MAP3K4: variants seen among roughly 807,000 people sequenced by gnomAD.
MAP3K4 encodes MAP three kinase 1.
In MAP3K4, 67 loss-of-function variants were observed where a neutral mutation model predicts 185.6. The ratio of observed to expected loss-of-function variants is 0.36; its 90% CI spans 0.30 to 0.44. The LOEUF is 0.44. MAP3K4 is among the 20% of genes least tolerant of loss of function. The pLI is 1.00. For missense variants in MAP3K4, 1,551 were observed against 1,995.1 expected, an observed-to-expected ratio of 0.78 and a Z score of 4.24; for synonymous variants, 702 against 710.4, an observed-to-expected ratio of 0.99 and a Z score of 0.19.
In MAP3K4 at chr6:161,098,069, A is replaced by G. The variant is rs1026524224; in HGVS notation, c.3525-209A>G. On this transcript the variant is annotated intron_variant, in intron 16 of 26. Transcript: ENST00000392142. This position sits in a 1 kb window ranked among gnomAD's most constrained non-coding sequence, Gnocchi z 4.4. ...GCCACTGCACTCCAGCCTGGACAAC[A>G]GGGTGCGATGCTGTCTCAAAAAAAA... Among the ~76,000 whole-genome samples, 6 of 152,196 alleles carry G rather than the reference A, an allele frequency of 3.9e-5. No individual in the cohort carries two copies. Among genetic ancestry groups the G allele is most frequent in the African/African-American group, 1.2e-4 (5 of 41,440 alleles).
rs1784168735 is a variant in MAP3K4, at chr6:161,054,940, A to G, written c.1707+4961A>G. ...CCAGATACAATCCAAGATCTTTTTTATATTTTCTCATTTATCTTCTTCTTC... is the reference window on the plus strand; with the variant it reads ...CCAGATACAATCCAAGATCTTTTTTGTATTTTCTCATTTATCTTCTTCTTC... On this transcript the variant is annotated intron_variant, in intron 3 of 26. Coordinates refer to ENST00000392142, the MANE Select transcript of MAP3K4 (RefSeq NM_005922.4). This position sits in a 1 kb window ranked among gnomAD's most constrained non-coding sequence, Gnocchi z 4.2. Among the ~76,000 whole-genome samples the G allele has an allele frequency of 6.6e-6, 1 of 152,200 alleles. No homozygotes were observed. Among genetic ancestry groups the G allele is most frequent in the Non-Finnish European group, 1.5e-5 (1 of 68,016 alleles).
rs1415495224 is a variant in MAP3K4 at position 161,049,467 on chromosome 6, A to G, written c.1195A>G (p.Ile399Val). ...RVQALCLWLN[I>V]TKDLNQKLRI... Reference sequence around the variant, plus strand: ...GCAGGCACTCTGTTTGTGGTTAAACATCACAAAAGACTTAAATCAGAAATT... The same window carrying G: ...GCAGGCACTCTGTTTGTGGTTAAACGTCACAAAAGACTTAAATCAGAAATT... Residue 399 changes from isoleucine (I) to valine (V), a missense_variant, in exon 3 of 27, where the codon ATC (isoleucine) becomes GTC (valine). By Grantham distance (29) the Ile-to-Val change is conservative (BLOSUM62 3). This residue lies in a region of MAP3K4 where 24 missense variants were observed against 48.5 expected (regional missense o/e 0.49). Transcript: ENST00000392142. The surrounding 1 kb of genome is among the most constrained non-coding windows in gnomAD (Gnocchi z 8.4). The G allele has an allele frequency of 6.2e-7, 1 of 1,614,194 alleles. No homozygotes were observed. The highest frequency in any genetic ancestry group is 2.2e-5 in the East Asian group (1 of 44,876).
chr6:161,069,176 C>T (rs931641571), intron 3 of MAP3K4, among the ~76,000 whole-genome samples: 1 of 152,160 alleles, frequency 6.6e-6, no homozygotes, highest in Admixed American at 6.5e-5. Flanking sequence ...CTCAGTGCTT[C>T]CAGAATCACA....
chr6:160,995,779 A>G (rs9458076), intron 1 of MAP3K4, among the ~76,000 whole-genome samples: 4,287 of 152,272 alleles, frequency 0.028, 135 homozygotes, highest in African/African-American at 0.076. Flanking sequence ...ATTTGGAACA[A>G]TTTACCTTTG....
intron 6 of MAP3K4, among the ~76,000 whole-genome samples, chr6:161,083,897 T>C (rs987286348): frequency 1.3e-5 from 2 of 152,224 alleles, no homozygotes; most frequent in African/African-American, 4.8e-5. Context: ...GCATCTGATA[T>C]TAGTTCTGTG....
At position 161,084,715 on chromosome 6, in the gene MAP3K4, T is replaced by G. The variant is rs1377364489; in HGVS notation, c.2372+98T>G. ...GGAGCCTTGTTCAAACCAAATTGTG[T>G]TGGCCTGGAAGAATTTGGGCAGTAG... is the stretch of plus-strand genomic sequence containing the variant. On this transcript the variant is annotated intron_variant, in intron 7 of 26. Transcript: ENST00000392142. The surrounding 1 kb of genome is among the most constrained non-coding windows in gnomAD (Gnocchi z 4.6). 1.4e-5 allele frequency: 9 copies of G among 657,618 alleles called. No individual in the cohort carries two copies. Among genetic ancestry groups the G allele is most frequent in the Non-Finnish European group, 2.2e-5 (8 of 363,718 alleles). The allele number at this position is 657,618 out of a possible 1,614,324, so 40.7% of individuals were successfully genotyped here. A position where few individuals can be genotyped will look rare whatever the true frequency, so the allele number is the denominator to read the frequency against.
chr6:161,013,962 T>G (rs1781966371), intron 1 of MAP3K4, among the ~76,000 whole-genome samples: 1 of 152,192 alleles, frequency 6.6e-6, no homozygotes, highest in African/African-American at 2.4e-5. Context: ...TAGCTAGTCC[T>G]CAGTTTGGTC....
Position 161,097,101 on chromosome 6 carries a change from G to A in MAP3K4, c.3449G>A (p.Arg1150His), listed in dbSNP as rs1249821110. The stretch of plus-strand genomic sequence containing the variant: ...GCAGCCATTCATCGGAACAGCCCCC[G>A]TCCTATGAAGGTACCTCGATGCCAT... ...LYLAIHRNSPRPMKVPRCHSD... is the reference protein window; with the variant it reads ...LYLAIHRNSPHPMKVPRCHSD... Residue 1150 changes from arginine (R) to histidine (H), a missense_variant, in exon 16 of 27, where the codon CGT becomes CAT. Physicochemically the swap from Arg to His is conservative, Grantham distance 29. Around this residue, in one of 16 missense-constraint regions of MAP3K4, gnomAD observed 272 missense variants for 301.2 expected, o/e 0.90. Transcript: ENST00000392142. This position sits in a 1 kb window ranked among gnomAD's most constrained non-coding sequence, Gnocchi z 4.9. 8.7e-6 allele frequency: 14 copies of A among 1,613,848 alleles called. 1 individual carries two copies. Among genetic ancestry groups the A allele is most frequent in the South Asian group, 5.5e-5 (5 of 91,078 alleles).
At position 161,076,233 on chromosome 6, in the gene MAP3K4, A is replaced by G. The variant is rs1041566427; in HGVS notation, c.2097+2621A>G. 6.6e-6 allele frequency among the ~76,000 whole-genome samples: 1 copy of G among 152,214 alleles called. No individual in the cohort carries two copies. Among genetic ancestry groups the G allele is most frequent in the Non-Finnish European group, 1.5e-5 (1 of 68,038 alleles). ...CTTGATATCTAGGGGTGTGACAGCC[A>G]TGACCGAAGCTGAGCCTGTCTCTCC... On this transcript the variant is annotated intron_variant, in intron 5 of 26. Coordinates refer to ENST00000392142, the MANE Select transcript of MAP3K4 (RefSeq NM_005922.4). The surrounding 1 kb of genome is among the most constrained non-coding windows in gnomAD (Gnocchi z 4.2).
At position 161,100,768 on chromosome 6, in the gene MAP3K4, C is replaced by A. The variant is rs1298067783; in HGVS notation, c.3675-1124C>A. Reference sequence around the variant, plus strand: ...AAAAATTAGAGGTGTTTAGTGACTTCTTGGTCTCACCAGTGGTCTTTGTTG... The same window carrying A: ...AAAAATTAGAGGTGTTTAGTGACTTATTGGTCTCACCAGTGGTCTTTGTTG... On this transcript the variant is annotated intron_variant, in intron 17 of 26. Transcript: ENST00000392142. The surrounding 1 kb of genome is among the most constrained non-coding windows in gnomAD (Gnocchi z 5.8). 6.6e-6 allele frequency among the ~76,000 whole-genome samples: 1 copy of A among 152,196 alleles called. No individual in the cohort carries two copies. Among genetic ancestry groups the A allele is most frequent in the Non-Finnish European group, 1.5e-5 (1 of 68,030 alleles).
chr6:161,038,015 A>G (rs1672810495), intron 2 of MAP3K4, among the ~76,000 whole-genome samples: 1 of 150,014 alleles, frequency 6.7e-6, no homozygotes, highest in African/African-American at 2.5e-5. Flanking sequence ...CCTTCCTTCC[A>G]TCCTTCCTTT....
chr6:161,059,820 C>G (rs1415613293), intron 3 of MAP3K4, among the ~76,000 whole-genome samples: 1 of 147,406 alleles, frequency 6.8e-6, no homozygotes, highest in Admixed American at 6.8e-5. Flanking sequence ...TATCATTGTT[C>G]ATTATATTTC....
chr6:161,082,517 G>A lies in MAP3K4; in HGVS notation c.2255+1479G>A, dbSNP rs1785506440. On this transcript the variant is annotated intron_variant, in intron 6 of 26. Coordinates refer to ENST00000392142, the MANE Select transcript of MAP3K4 (RefSeq NM_005922.4). This position sits in a 1 kb window ranked among gnomAD's most constrained non-coding sequence, Gnocchi z 4.2. ...GATCCTCGCCCTGAGAAGCTCCAGG[G>A]CTTTTTCATTCCCCCTTCTTGTGAA... Among the ~76,000 whole-genome samples, 1 of 151,862 alleles carries A rather than the reference G, an allele frequency of 6.6e-6. No homozygotes were observed. The highest frequency in any genetic ancestry group is 6.6e-5 in the Admixed American group (1 of 15,252).
chr6:161,034,487 G>T lies in MAP3K4; in HGVS notation c.343+38G>T, dbSNP rs1783071487. On this transcript the variant is annotated intron_variant, in intron 2 of 26. Coordinates refer to ENST00000392142, the MANE Select transcript of MAP3K4 (RefSeq NM_005922.4). The surrounding 1 kb of genome is among the most constrained non-coding windows in gnomAD (Gnocchi z 4.4). ...CTTGAAAAGAGGTGTACATGAGAGG[G>T]TATGGCACTTGATTGATTCTTTCAA... 6.8e-7 allele frequency: 1 copy of T among 1,478,984 alleles called. No homozygotes were observed. Among genetic ancestry groups the T allele is most frequent in the Non-Finnish European group, 9.3e-7 (1 of 1,079,004 alleles). 91.6% of individuals were successfully genotyped at this position (1,478,984 alleles called of 1,614,324 possible). A position where few individuals can be genotyped will look rare whatever the true frequency, so the allele number is the denominator to read the frequency against.
chr6:161,002,894 A>G (rs1397789866), intron 1 of MAP3K4, among the ~76,000 whole-genome samples: 1 of 152,062 alleles, frequency 6.6e-6, no homozygotes, highest in Non-Finnish European at 1.5e-5. Context: ...CCCGGCCGGC[A>G]TATTTCTTTT....
chr6:161,081,153 T>C, intron 6 of MAP3K4, 115 bp downstream of exon 6: 1 of 1,171,680 alleles, frequency 8.5e-7, no homozygotes, highest in Non-Finnish European at 1.2e-6. Context: ...ATTGCAGTTA[T>C]CCATATCTCA....
intron 1 of MAP3K4, 120 bp downstream of exon 1, chr6:160,992,203 C>T (rs1780748207): frequency 1.5e-6 from 2 of 1,323,634 alleles, no homozygotes; most frequent in Non-Finnish European, 9.8e-7. Flanking sequence ...CCAGTCTCTG[C>T]AGGCTGGGGC....
rs1232804472 is a variant in MAP3K4 at position 161,086,604 on chromosome 6, A to G, written c.2493A>G (p.Glu831=). Residue 831 remains glutamate (E), a synonymous_variant, in exon 9 of 27, where the codon GAA becomes GAG. Coordinates refer to ENST00000392142, the MANE Select transcript of MAP3K4 (RefSeq NM_005922.4). This position sits in a 1 kb window ranked among gnomAD's most constrained non-coding sequence, Gnocchi z 4.8. ...CCTAGGACCTGGAAATAGCAGCAGA[A>G]TTCAGGCTTTCAGCCCCAGTTAGAG... ...MLRKDLEIAA[E]FRLSAPVRDL... The G allele has an allele frequency of 6.2e-7, 1 of 1,614,102 alleles. No homozygotes were observed. Among genetic ancestry groups the G allele is most frequent in the Admixed American group, 1.7e-5 (1 of 60,018 alleles).
rs1785194870 is a variant in MAP3K4, at chr6:161,076,722, T to A, written c.2097+3110T>A. ...TAGAAGAGACACAAGAGAGCTCACATGTACACAATTTGAGTTTCTGCAGAA... is the reference window on the plus strand; with the variant it reads ...TAGAAGAGACACAAGAGAGCTCACAAGTACACAATTTGAGTTTCTGCAGAA... On this transcript the variant is annotated intron_variant, in intron 5 of 26. Coordinates refer to ENST00000392142, the MANE Select transcript of MAP3K4 (RefSeq NM_005922.4). The surrounding 1 kb of genome is among the most constrained non-coding windows in gnomAD (Gnocchi z 4.2). Among the ~76,000 whole-genome samples the A allele has an allele frequency of 6.6e-6, 1 of 152,192 alleles. No homozygotes were observed.
Sources: allele counts gnomAD v4.1 joint callset (sites outside exome capture counted in the v4.1 genomes callset), GRCh38; gene constraint gnomAD v4.1.1; regional missense constraint gnomAD v4.1.1; non-coding constraint Gnocchi (gnomAD v3.1); transcripts MANE v1.5; gene names NCBI Gene and HGNC (gene_info 2026-07-23, HGNC 2026-07-21).